PLEKHG7: variants seen among roughly 807,000 people sequenced by gnomAD.
PLEKHG7 encodes pleckstrin homology and RhoGEF domain containing G7.
In PLEKHG7, 77 loss-of-function variants were observed where a neutral mutation model predicts 85.2. That is an observed-to-expected ratio of 0.90 (90% CI 0.75 to 1.09). The LOEUF (loss-of-function observed/expected upper bound fraction) is 1.09, where lower values mean the gene tolerates loss of function less well. Ranked by LOEUF, PLEKHG7 falls within the 50% of genes least tolerant of loss-of-function variation. The probability of loss-of-function intolerance (pLI) is 0.00; values close to 1 mark genes in which losing one functional copy is unlikely to be tolerated. For synonymous variants in PLEKHG7, 301 were observed against 302.4 expected, an observed-to-expected ratio of 1.00 and a Z score of 0.05; for missense variants, 777 against 804.3, an observed-to-expected ratio of 0.97 and a Z score of 0.41.
chr12:92,717,355 C>CT (rs1871519930), intron 3 of PLEKHG7, among the ~76,000 whole-genome samples: 1 of 152,184 alleles, frequency 6.6e-6, no homozygotes, highest in South Asian at 2.1e-4. Context: ...TCAGAGTCAT[C>CT]TGGGGTTACC....
At chr12:92,770,043 A>T in intron 16 of PLEKHG7, 45 bp from the exon 17 acceptor site, 1 of 1,272,428 alleles carries the variant, frequency 7.9e-7, no homozygotes, top group Non-Finnish European at 1.1e-6. Context: ...TTGTCAGCTT[A>T]ACATTCTAAT....
At chr12:92,742,936 A>T (rs1028460464) in intron 9 of PLEKHG7, among the ~76,000 whole-genome samples, 24 of 152,274 alleles carry the variant, frequency 1.6e-4, no homozygotes, top group African/African-American at 5.5e-4. Context: ...GAGGCCACTA[A>T]AGAATGGGGT....
intron 11 of PLEKHG7, among the ~76,000 whole-genome samples, chr12:92,755,047 C>T (rs1208704009): frequency 6.6e-6 from 1 of 152,000 alleles, no homozygotes; most frequent in African/African-American, 2.4e-5. Flanking sequence ...TTAAGTTTAT[C>T]AAGCAAGTAA....
chr12:92,703,658 T>TGG (rs1871149203), intron 1 of PLEKHG7, among the ~76,000 whole-genome samples: 2 of 152,246 alleles, frequency 1.3e-5, no homozygotes, highest in Admixed American at 1.3e-4. Flanking sequence ...CCATTTCTTC[T>TGG]GGTGCTTGAG....
chr12:92,717,031 T>A (rs1187104205), intron 3 of PLEKHG7, among the ~76,000 whole-genome samples: 5 of 152,224 alleles, frequency 3.3e-5, no homozygotes, highest in African/African-American at 1.2e-4. Context: ...CAGAAGCAAG[T>A]GAGGGAGATG....
At chr12:92,761,661 A>AGAAAGAAG in intron 13 of PLEKHG7, 91 bp from the exon 14 acceptor site, 2 of 1,340,298 alleles carry the variant, frequency 1.5e-6, no homozygotes, top group Non-Finnish European at 1.9e-6. Context: ...AAAGAAAGAA[A>AGAAAGAAG]GAAAGAAAGA....
chr12:92,762,559 C>G (rs1417437563), intron 14 of PLEKHG7, among the ~76,000 whole-genome samples: 1 of 152,060 alleles, frequency 6.6e-6, no homozygotes, highest in Non-Finnish European at 1.5e-5. Flanking sequence ...CTGCTGGTCC[C>G]CAAAAGGCTT....
chr12:92,742,568 T>C lies in PLEKHG7; in HGVS notation c.1137+976T>C, dbSNP rs541610766. Among the ~76,000 whole-genome samples, 3 of 146,234 alleles carry C rather than the reference T, an allele frequency of 2.1e-5. No individual in the cohort carries two copies. In the East Asian group the frequency reaches 6.2e-4, roughly 30 times the overall value. ...AAATGGGCTTAAGTAAGAAAATCTTTGGATATTTTTGTTTGTTGTTTAGTT... is the reference window on the plus strand; with the variant it reads ...AAATGGGCTTAAGTAAGAAAATCTTCGGATATTTTTGTTTGTTGTTTAGTT... On this transcript the variant is annotated intron_variant, in intron 9 of 16. Coordinates refer to ENST00000344636, the MANE Select transcript of PLEKHG7 (RefSeq NM_001377329.1).
chr12:92,745,457 T>C (rs1195000627), intron 9 of PLEKHG7, 21 bp from the exon 10 acceptor site: 2 of 1,520,190 alleles, frequency 1.3e-6, no homozygotes, highest in South Asian at 1.1e-5. Context: ...TCATCCTCCT[T>C]CTGCTCTTCC....
At chr12:92,720,546 G>A (rs367714070) in intron 3 of PLEKHG7, among the ~76,000 whole-genome samples, 35 of 152,078 alleles carry the variant, frequency 2.3e-4, no homozygotes, top group Non-Finnish European at 4.0e-4. Flanking sequence ...AGCTGGTCTC[G>A]AACTTCTGAC....
chr12:92,718,233 CAAAAG>C (rs1395972361), intron 3 of PLEKHG7, among the ~76,000 whole-genome samples: 2 of 152,192 alleles, frequency 1.3e-5, no homozygotes, highest in African/African-American at 2.4e-5. Flanking sequence ...GCTCATTACT[CAAAAG>C]AGAAGACTGC....
chr12:92,753,503 C>T (rs980511346), intron 10 of PLEKHG7, among the ~76,000 whole-genome samples: 10 of 152,194 alleles, frequency 6.6e-5, no homozygotes, highest in African/African-American at 2.4e-4. Flanking sequence ...TACCCTAGAA[C>T]TGCCTCTTCT....
intron 13 of PLEKHG7, among the ~76,000 whole-genome samples, chr12:92,758,821 A>C (rs1872907614): frequency 6.6e-6 from 1 of 152,214 alleles, no homozygotes; most frequent in South Asian, 2.1e-4. Flanking sequence ...AGAGTTGAGC[A>C]TCGAGATTTG....
intron 14 of PLEKHG7, among the ~76,000 whole-genome samples, chr12:92,763,826 A>G (rs2136632487): frequency 6.6e-6 from 1 of 152,248 alleles, no homozygotes; most frequent in African/African-American, 2.4e-5. Context: ...CTCAAGAAAA[A>G]AAATTTTATT....
chr12:92,756,064 A>G (rs2136623354), intron 12 of PLEKHG7, 124 bp downstream of exon 12: 1 of 760,766 alleles, frequency 1.3e-6, no homozygotes, highest in Non-Finnish European at 2.2e-6. Context: ...TTCATGAACA[A>G]GAAGTAAAGT....
chr12:92,720,030 G>T (rs1458030111), intron 3 of PLEKHG7, among the ~76,000 whole-genome samples: 1 of 152,216 alleles, frequency 6.6e-6, no homozygotes, highest in Non-Finnish European at 1.5e-5. Flanking sequence ...TAAGTTGGGT[G>T]CCCTTGCCAC....
At chr12:92,704,600 C>G (rs1210665969) in intron 1 of PLEKHG7, among the ~76,000 whole-genome samples, 1 of 152,210 alleles carries the variant, frequency 6.6e-6, no homozygotes, top group Non-Finnish European at 1.5e-5. Context: ...ATTGAGTCCT[C>G]AGCTCAAAAT....
rs1335225904 is a variant in PLEKHG7 at position 92,749,922 on chromosome 12, TTTTA to T, written c.1252-4160_1252-4157del. ...ATTTTATTTCATTTATTTTATTTTA[TTTTA>T]TTTATTTTATTTTATATTTTATTTT... is the stretch of plus-strand genomic sequence containing the variant. On this transcript the variant is annotated intron_variant, in intron 10 of 16. Coordinates refer to ENST00000344636, the MANE Select transcript of PLEKHG7 (RefSeq NM_001377329.1). Among the ~76,000 whole-genome samples the T allele has an allele frequency of 3.1e-3, 428 of 139,860 alleles. 6 individuals are homozygous for T. The highest frequency in any genetic ancestry group is 1.0e-2 in the African/African-American group (373 of 37,408). The allele number at this position is 139,860 out of a possible 152,430, so 91.8% of individuals were successfully genotyped here.
intron 15 of PLEKHG7, among the ~76,000 whole-genome samples, chr12:92,765,683 ACTC>A (rs1263519806): frequency 6.6e-6 from 1 of 151,610 alleles, no homozygotes; most frequent in Non-Finnish European, 1.5e-5. Context: ...ACTCCCAGCT[ACTC>A]AGGAGGCTAA....
Sources: allele counts gnomAD v4.1 joint callset (sites outside exome capture counted in the v4.1 genomes callset), GRCh38; gene constraint gnomAD v4.1.1; transcripts MANE v1.5; gene names NCBI Gene and HGNC (gene_info 2026-07-23, HGNC 2026-07-21).